The following RGS7 variants were observed in gnomAD, a reference collection of about 807,000 sequenced individuals.
RGS7 encodes the protein regulator of G protein signaling 7, also known as regulator of G-protein signaling 7.
Under a neutral mutation model 81.1 loss-of-function variants are expected in RGS7, and 27 were observed. That is an observed-to-expected ratio of 0.33 (90% CI 0.25 to 0.46). The LOEUF is 0.46. Among genes scored for constraint, RGS7 ranks in the 20% least tolerant of loss-of-function variants. RGS7 has a pLI of 1.00. For missense variants in RGS7, 396 were observed against 607.4 expected (o/e 0.65, Z 3.66); for synonymous variants, 208 against 207.7 (o/e 1.00, Z -0.01).
intron 18 of RGS7, among the ~76,000 whole-genome samples, chr1:240,790,961 G>T (rs567135547): frequency 6.6e-6 from 1 of 152,244 alleles, no homozygotes; most frequent in South Asian, 2.1e-4. Context: ...CCTATTTCAG[G>T]TGAACAGTGT....
chr1:240,965,366 TC>T, intron 4 of RGS7, among the ~76,000 whole-genome samples: 1 of 152,222 alleles, frequency 6.6e-6, no homozygotes, highest in Middle Eastern at 3.2e-3. Context: ...TTTGCTTGCA[TC>T]TTTTTCTCTG....
intron 2 of RGS7, among the ~76,000 whole-genome samples, chr1:241,235,909 TGAGAGA>T (rs1553294805): frequency 2.9e-5 from 4 of 137,902 alleles, no homozygotes; most frequent in Admixed American, 7.2e-5. Flanking sequence ...AGATGCACTT[TGAGAGA>T]GAGAGAGAGA....
chr1:240,776,480 T>A (rs1682958800), intron 18 of RGS7, among the ~76,000 whole-genome samples: 1 of 151,926 alleles, frequency 6.6e-6, no homozygotes, highest in Admixed American at 6.6e-5. Flanking sequence ...GACTGATGGT[T>A]TCACAGCACA....
chr1:241,260,158 C>G (rs2077255830), intron 2 of RGS7, among the ~76,000 whole-genome samples: 1 of 152,194 alleles, frequency 6.6e-6, no homozygotes, highest in African/African-American at 2.4e-5. Context: ...CTCTATTGAT[C>G]TCACTCTTCT....
At chr1:241,230,585 C>T (rs986286479) in intron 2 of RGS7, among the ~76,000 whole-genome samples, 2 of 152,234 alleles carry the variant, frequency 1.3e-5, no homozygotes, top group African/African-American at 4.8e-5. Flanking sequence ...ATGGAGCCCA[C>T]TTTGACTCAC....
At chr1:240,780,499 C>T (rs1683821372) in intron 18 of RGS7, among the ~76,000 whole-genome samples, 1 of 144,284 alleles carries the variant, frequency 6.9e-6, no homozygotes, top group Non-Finnish European at 1.5e-5. Flanking sequence ...GGAAGGTACA[C>T]ATCAGTACAC....
intron 2 of RGS7, among the ~76,000 whole-genome samples, chr1:241,285,906 G>T (rs1271211406): frequency 1.3e-5 from 2 of 152,124 alleles, no homozygotes; most frequent in Admixed American, 1.3e-4. Context: ...AGGGTTATAA[G>T]CATAAAAATG....
chr1:241,315,082 G>T lies in RGS7; in HGVS notation c.78+40617C>A, dbSNP rs149148072. On this transcript the variant is annotated intron_variant, in intron 2 of 18. Coordinates refer to ENST00000440928, the MANE Select transcript of RGS7 (RefSeq NM_001364886.1). The stretch of plus-strand genomic sequence containing the variant: ...GTTTTATTCAAACAATGAAACAGTA[G>T]AAGCTTTTTTTTTTTCTTCTTCTTC... 5.3e-3 allele frequency among the ~76,000 whole-genome samples: 702 copies of T among 132,518 alleles called. 4 individuals carry two copies. Among genetic ancestry groups the T allele is most frequent in the Middle Eastern group, 0.012 (3 of 248 alleles). 86.9% of individuals were successfully genotyped at this position (132,518 alleles called of 152,430 possible).
chr1:240,825,713 G>A (rs1692681442), intron 10 of RGS7, among the ~76,000 whole-genome samples: 1 of 152,132 alleles, frequency 6.6e-6, no homozygotes, highest in Non-Finnish European at 1.5e-5. Flanking sequence ...AGGGCTGATG[G>A]TATGTAAAGA....
intron 2 of RGS7, among the ~76,000 whole-genome samples, chr1:241,259,949 G>A (rs997939300): frequency 6.6e-6 from 1 of 152,032 alleles, no homozygotes; most frequent in African/African-American, 2.4e-5. Flanking sequence ...AGATTAAAAT[G>A]TTGGTTTTTA....
chr1:241,299,716 G>A (rs555541457), intron 2 of RGS7, among the ~76,000 whole-genome samples: 4 of 151,696 alleles, frequency 2.6e-5, no homozygotes, highest in African/African-American at 9.7e-5. Context: ...ATAACAACCT[G>A]GTACGATTAC....
chr1:241,194,072 G>A (rs374400706), intron 2 of RGS7, among the ~76,000 whole-genome samples: 3 of 152,258 alleles, frequency 2.0e-5, no homozygotes, highest in African/African-American at 7.2e-5. Flanking sequence ...CATAAGCACT[G>A]TCTATATTCG....
At chr1:240,944,395 G>A (rs1572895843) in intron 4 of RGS7, among the ~76,000 whole-genome samples, 1 of 148,570 alleles carries the variant, frequency 6.7e-6, no homozygotes, top group Non-Finnish European at 1.5e-5. Flanking sequence ...TCTAAGTACA[G>A]TGTGAGGAAA....
chr1:241,008,108 T>A (rs1379849618), intron 3 of RGS7, among the ~76,000 whole-genome samples: 4 of 151,196 alleles, frequency 2.6e-5, no homozygotes, highest in East Asian at 1.9e-4. Flanking sequence ...CTACTTTATA[T>A]GGCAACAAAA....
chr1:240,885,310 A>G (rs537246365), intron 6 of RGS7, among the ~76,000 whole-genome samples: 1 of 152,300 alleles, frequency 6.6e-6, no homozygotes, highest in East Asian at 1.9e-4. Context: ...GTGGGAGTGT[A>G]AATTGTTCAA....
intron 2 of RGS7, among the ~76,000 whole-genome samples, chr1:241,185,489 A>G (rs1390833617): frequency 6.6e-6 from 1 of 152,204 alleles, no homozygotes. Flanking sequence ...GTACCAATCA[A>G]GTGGATCTAA....
At chr1:241,323,408 T>C (rs1404991373) in intron 2 of RGS7, among the ~76,000 whole-genome samples, 3 of 152,242 alleles carry the variant, frequency 2.0e-5, no homozygotes, top group Non-Finnish European at 4.4e-5. Context: ...GGCTTACAAC[T>C]GCAGTCTTCT....
intron 2 of RGS7, among the ~76,000 whole-genome samples, chr1:241,127,091 G>T (rs2066715574): frequency 6.6e-6 from 1 of 152,090 alleles, no homozygotes; most frequent in Non-Finnish European, 1.5e-5. Context: ...TCAACTCAAT[G>T]TCAAGGTAAT....
At chr1:241,045,939 A>T (rs1307371707) in intron 3 of RGS7, among the ~76,000 whole-genome samples, 1 of 152,162 alleles carries the variant, frequency 6.6e-6, no homozygotes, top group African/African-American at 2.4e-5. Flanking sequence ...AATCCCCAGT[A>T]ATATGGGCCA....
Sources: gnomAD v4.1 joint callset for allele counts (sites outside exome capture counted in the v4.1 genomes callset) on GRCh38, gnomAD v4.1.1 for gene constraint, MANE v1.5 for transcripts, NCBI Gene and HGNC (gene_info 2026-07-23, HGNC 2026-07-21) for gene names.